PTCHD4: variants seen among roughly 807,000 people sequenced by gnomAD.
PTCHD4 encodes patched domain containing 4.
PTCHD4 carries 33 observed loss-of-function variants against 58.1 expected under a neutral mutation model. That is an observed-to-expected ratio of 0.57 (90% confidence interval 0.43 to 0.76). The LOEUF is 0.76. Among genes scored for constraint, PTCHD4 ranks in the 30% least tolerant of loss-of-function variants. PTCHD4 has a pLI of 0.00. For synonymous variants in PTCHD4, 478 were observed against 409.6 expected (o/e 1.17, Z -2.02); for missense variants, 1,058 against 1,027.1 (o/e 1.03, Z -0.41).
chr6:47,940,132 G>T (rs1456581888), intron 4 of PTCHD4, among the ~76,000 whole-genome samples: 1 of 151,980 alleles, frequency 6.6e-6, no homozygotes, highest in Non-Finnish European at 1.5e-5. Flanking sequence ...GGTAGAAATG[G>T]ATTTAACCAC....
chr6:47,989,018 G>A (rs1768184147), intron 4 of PTCHD4, among the ~76,000 whole-genome samples: 1 of 152,184 alleles, frequency 6.6e-6, no homozygotes, highest in Non-Finnish European at 1.5e-5. Flanking sequence ...TTTCCCAAAA[G>A]CCTGATAGCG....
At chr6:48,030,350 G>A (rs182510075) in intron 3 of PTCHD4, among the ~76,000 whole-genome samples, 1 of 152,034 alleles carries the variant, frequency 6.6e-6, no homozygotes, top group Non-Finnish European at 1.5e-5. Flanking sequence ...AGTCCTGTTT[G>A]CTATCTTTAA....
intron 4 of PTCHD4, among the ~76,000 whole-genome samples, chr6:47,984,216 A>G (rs544325647): frequency 6.6e-6 from 1 of 152,294 alleles, no homozygotes; most frequent in East Asian, 1.9e-4. Flanking sequence ...ACACTGCTAT[A>G]AAGATACTAC....
At chr6:47,880,501 GT>G (rs1304527345) in intron 4 of PTCHD4, among the ~76,000 whole-genome samples, 1 of 150,628 alleles carries the variant, frequency 6.6e-6, no homozygotes, top group African/African-American at 2.4e-5. Context: ...TTTCCAAAGA[GT>G]TGATTAATTA....
intron 1 of PTCHD4, among the ~76,000 whole-genome samples, chr6:48,097,378 C>A (rs1220017453): frequency 6.6e-6 from 1 of 152,094 alleles, no homozygotes; most frequent in Non-Finnish European, 1.5e-5. Context: ...AAAGAGGCAT[C>A]ATTATCCCAT....
In PTCHD4 at chr6:47,896,513, C is replaced by T. The variant is rs564825108; in HGVS notation, c.899-16577G>A. Among the ~76,000 whole-genome samples the T allele has an allele frequency of 5.3e-5, 8 of 152,292 alleles. No homozygotes were observed. In the South Asian group the frequency reaches 1.4e-3, roughly 28 times the overall value. ...TCAATGCTGAGAAAAGATGTTACTA[C>T]ATGGAAATGTATACATGAAAATTAT... On this transcript the variant is annotated intron_variant, in intron 4 of 4. Transcript: ENST00000339488.
intron 4 of PTCHD4, among the ~76,000 whole-genome samples, chr6:47,972,018 T>G (rs139204210): frequency 1.9e-3 from 293 of 152,202 alleles, no homozygotes; most frequent in African/African-American, 6.8e-3. Context: ...AGGAAAGAAA[T>G]GTAATAATAG....
intron 4 of PTCHD4, among the ~76,000 whole-genome samples, chr6:47,928,607 T>A (rs536605186): frequency 2.6e-5 from 4 of 152,348 alleles, no homozygotes; most frequent in African/African-American, 9.6e-5. Context: ...CTCCCAACCA[T>A]GAAGAATTGA....
intron 4 of PTCHD4, among the ~76,000 whole-genome samples, chr6:47,973,317 A>G (rs1389907458): frequency 6.6e-6 from 1 of 152,222 alleles, no homozygotes; most frequent in Non-Finnish European, 1.5e-5. Context: ...GTTTCCCTTG[A>G]AAACATTCAA....
At chr6:47,987,056 A>G (rs1581976701) in intron 4 of PTCHD4, among the ~76,000 whole-genome samples, 1 of 152,162 alleles carries the variant, frequency 6.6e-6, no homozygotes, top group African/African-American at 2.4e-5. Context: ...AGTAAAAGCA[A>G]GTTTGAAAAA....
chr6:47,867,557 G>A lies in PTCHD4; in HGVS notation c.*10746C>T, dbSNP rs891768463. 1.3e-5 allele frequency among the ~76,000 whole-genome samples: 2 copies of A among 151,650 alleles called. No individual in the cohort carries two copies. Among genetic ancestry groups the A allele is most frequent in the Admixed American group, 6.6e-5 (1 of 15,184 alleles). ...AATGCTTTATAATACCACTCACAAT[G>A]GGCGCTTCCTTTTTATTCCCATCTG... On this transcript the variant is annotated 3_prime_UTR_variant, in exon 5 of 5. Coordinates refer to ENST00000339488, the MANE Select transcript of PTCHD4 (RefSeq NM_001384253.1).
rs1763688036 is a variant in PTCHD4, at chr6:47,870,522, C to T, written c.*7781G>A. 6.6e-6 allele frequency among the ~76,000 whole-genome samples: 1 copy of T among 151,478 alleles called. No homozygotes were observed. Among genetic ancestry groups the T allele is most frequent in the Non-Finnish European group, 1.5e-5 (1 of 67,684 alleles). ...AAACCTGTTTTGCAAAATGTTTTTT[C>T]ACTGATCAACATAGAGGTAAATTTT... On this transcript the variant is annotated 3_prime_UTR_variant, in exon 5 of 5. Coordinates refer to ENST00000339488, the MANE Select transcript of PTCHD4 (RefSeq NM_001384253.1).
intron 4 of PTCHD4, among the ~76,000 whole-genome samples, chr6:47,992,849 G>C (rs755801481): frequency 6.6e-6 from 1 of 152,130 alleles, no homozygotes. Context: ...ATAGAGTGAA[G>C]AGAGATTGGT....
chr6:48,101,030 A>G (rs10948396), intron 1 of PTCHD4, among the ~76,000 whole-genome samples: 15,320 of 152,154 alleles, frequency 0.1, 938 homozygotes, highest in Middle Eastern at 0.16. Flanking sequence ...GACAGAGATA[A>G]CATTGGATTG....
chr6:48,051,990 T>C (rs1444431693), intron 3 of PTCHD4, among the ~76,000 whole-genome samples: 1 of 151,994 alleles, frequency 6.6e-6, no homozygotes, highest in East Asian at 1.9e-4. Context: ...CCTGACTAGA[T>C]TGTAGGTTTC....
At chr6:47,943,407 T>G (rs943889941) in intron 4 of PTCHD4, among the ~76,000 whole-genome samples, 1 of 152,156 alleles carries the variant, frequency 6.6e-6, no homozygotes, top group Admixed American at 6.6e-5. Flanking sequence ...GAATACCTAC[T>G]AGGGATTGGC....
rs182501391 is a variant in PTCHD4, at chr6:48,001,838, G to T, written c.898+6796C>A. ...TGAACAGGCAACCTACAGAATGGAA[G>T]AAAATTTTTGCAATCTACTCATCTG... On this transcript the variant is annotated intron_variant, in intron 4 of 4. Transcript: ENST00000339488. Among the ~76,000 whole-genome samples, 4 of 152,270 alleles carry T rather than the reference G, an allele frequency of 2.6e-5. 1 individual carries two copies. The highest frequency in any genetic ancestry group is 2.6e-4 in the Admixed American group (4 of 15,294).
At chr6:47,890,904 C>T (rs1370509248) in intron 4 of PTCHD4, 1 of 984,394 alleles carries the variant, frequency 1.0e-6, no homozygotes, top group Non-Finnish European at 1.2e-6. Flanking sequence ...CCATGCTTTT[C>T]AAGTTTTCGA....
intron 4 of PTCHD4, among the ~76,000 whole-genome samples, chr6:47,947,331 GA>G (rs1429102880): frequency 6.6e-6 from 1 of 151,964 alleles, no homozygotes; most frequent in Non-Finnish European, 1.5e-5. Flanking sequence ...CCTATCATTA[GA>G]TTTTTTTATA....
Sources: gnomAD v4.1 joint callset for allele counts (sites outside exome capture counted in the v4.1 genomes callset) on GRCh38, gnomAD v4.1.1 for gene constraint, MANE v1.5 for transcripts, NCBI Gene and HGNC (gene_info 2026-07-23, HGNC 2026-07-21) for gene names.